Variants in CLMP observed in about 807,000 individuals in gnomAD.
The protein encoded by CLMP is CXADR like cell adhesion molecule, also known as CXADR-like membrane protein.
Under a neutral mutation model 45.2 loss-of-function variants are expected in CLMP, and 27 were observed. The ratio of observed to expected loss-of-function variants is 0.60; its 90% CI spans 0.44 to 0.82. CLMP has a LOEUF of 0.82. Among genes scored for constraint, CLMP ranks in the 40% least tolerant of loss-of-function variants. The pLI, the probability that CLMP is intolerant of heterozygous loss-of-function variation, is 0.00. For synonymous variants in CLMP, 167 were observed against 171.4 expected, an observed-to-expected ratio of 0.97 and a Z score of 0.20; for missense variants, 403 against 448.4, an observed-to-expected ratio of 0.90 and a Z score of 0.91.
rs551179787 is a variant in CLMP at position 123,118,689 on chromosome 11, C to T, written c.29-20737G>A. 9.9e-5 allele frequency among the ~76,000 whole-genome samples: 15 copies of T among 152,188 alleles called. No homozygotes were observed. In the South Asian group the frequency reaches 2.9e-3, roughly 30 times the overall value. On this transcript the variant is annotated intron_variant, in intron 1 of 6. Coordinates refer to ENST00000448775, the MANE Select transcript of CLMP (RefSeq NM_024769.5). ...TGGCATTGCAATTTGGCTCCGACAC[C>T]CAGTTTATATCCCAGCAGAAAATGT... is the stretch of plus-strand genomic sequence containing the variant.
chr11:123,074,807 G>C lies in CLMP; in HGVS notation c.716C>G (p.Thr239Arg). The C allele has an allele frequency of 6.2e-7, 1 of 1,614,128 alleles. No homozygotes were observed. The highest frequency in any genetic ancestry group is 8.5e-7 in the Non-Finnish European group (1 of 1,180,002). The change falls in exon 6 of 7, where the codon ACA becomes AGA. Residue 239 changes from threonine (T) to arginine (R), a missense_variant. By Grantham distance (71) the Thr-to-Arg change is moderately conservative. Coordinates refer to ENST00000448775, the MANE Select transcript of CLMP (RefSeq NM_024769.5). The part of the protein sequence containing the change: ...QSIGMVAGAV[T>R]GIVAGALLIF... ...CAGCAGGGCTCCAGCCACTATGCCT[G>C]TCACTGCTCCTGCAACCATGCCGAT...
At chr11:123,105,794 G>C (rs1860536392) in intron 1 of CLMP, among the ~76,000 whole-genome samples, 1 of 150,384 alleles carries the variant, frequency 6.6e-6, no homozygotes, top group African/African-American at 2.4e-5. Flanking sequence ...TGGGCAGGAG[G>C]AACTGTGGTT....
chr11:123,127,468 T>C (rs1018945304), intron 1 of CLMP, among the ~76,000 whole-genome samples: 1 of 152,168 alleles, frequency 6.6e-6, no homozygotes, highest in African/African-American at 2.4e-5. Context: ...AATTAAGACT[T>C]ATTACGTGGA....
chr11:123,101,632 A>G (rs568994160), intron 1 of CLMP, among the ~76,000 whole-genome samples: 14 of 152,324 alleles, frequency 9.2e-5, no homozygotes, highest in Admixed American at 7.8e-4. Context: ...GGCAAGTGTT[A>G]TATCAGTGGG....
At chr11:123,140,368 C>T (rs553189259) in intron 1 of CLMP, among the ~76,000 whole-genome samples, 1 of 152,180 alleles carries the variant, frequency 6.6e-6, no homozygotes, top group East Asian at 1.9e-4. Flanking sequence ...GATCTTGTTT[C>T]ATGCAGGAAT....
At chr11:123,109,804 A>G (rs958360952) in intron 1 of CLMP, among the ~76,000 whole-genome samples, 1 of 152,172 alleles carries the variant, frequency 6.6e-6, no homozygotes, top group African/African-American at 2.4e-5. Context: ...ACACCGAGTA[A>G]CATCTCCATT....
chr11:123,194,475 C>T (rs7927622), intron 1 of CLMP, among the ~76,000 whole-genome samples: 78,540 of 151,604 alleles, frequency 0.52, 21,826 homozygotes, highest in Admixed American at 0.63. Flanking sequence ...TCCTCTCCAA[C>T]CCTGCCTATC....
intron 2 of CLMP, among the ~76,000 whole-genome samples, chr11:123,087,294 G>A (rs1865876439): frequency 1.3e-5 from 2 of 152,020 alleles, no homozygotes; most frequent in African/African-American, 2.4e-5. Flanking sequence ...CCAAGATCAC[G>A]GCATTGCACT....
chr11:123,169,130 C>T (rs1306379701), intron 1 of CLMP, among the ~76,000 whole-genome samples: 1 of 152,098 alleles, frequency 6.6e-6, no homozygotes, highest in African/African-American at 2.4e-5. Context: ...CTGGGCTCCC[C>T]AAAGCAGCTG....
At chr11:123,162,851 G>A (rs1861505326) in intron 1 of CLMP, among the ~76,000 whole-genome samples, 1 of 151,800 alleles carries the variant, frequency 6.6e-6, no homozygotes, top group South Asian at 2.1e-4. Context: ...CTGCCTGTGA[G>A]TCAAGACGGC....
rs900213183 is a variant in CLMP, at chr11:123,071,186, C to T, written c.*2288G>A. 3 of 152,196 alleles carry T rather than the reference C, an allele frequency of 2.0e-5. No individual in the cohort carries two copies. Among genetic ancestry groups the T allele is most frequent in the Admixed American group, 6.5e-5 (1 of 15,272 alleles). 9.4% of individuals were successfully genotyped at this position (152,196 alleles called of 1,614,324 possible). On this transcript the variant is annotated 3_prime_UTR_variant, in exon 7 of 7. Transcript: ENST00000448775. The stretch of plus-strand genomic sequence containing the variant: ...TGGTGGCTCACACCTGTAATCCTAG[C>T]ACTTTGTGGGGCCGAGGTGGGTGGA...
chr11:123,084,569 A>G lies in CLMP; in HGVS notation c.331T>C (p.Cys111Arg). The change falls in exon 3 of 7, where the codon TGT (cysteine) becomes CGT (arginine). Residue 111 changes from cysteine to arginine, a missense_variant. By Grantham distance (180) the Cys-to-Arg change is radical. Transcript: ENST00000448775. ...LKPSDEGRYT[C>R]KVKNSGRYVW... ...TAGCGCCCTGAATTCTTAACCTTAC[A>G]GGTGTACCGGCCCTCATCACTGGGC... 2.5e-6 allele frequency: 4 copies of G among 1,614,220 alleles called. No individual in the cohort carries two copies. Among genetic ancestry groups the G allele is most frequent in the Non-Finnish European group, 3.4e-6 (4 of 1,180,042 alleles).
chr11:123,135,524 G>A (rs1861060365), intron 1 of CLMP, among the ~76,000 whole-genome samples: 1 of 152,116 alleles, frequency 6.6e-6, no homozygotes, highest in South Asian at 2.1e-4. Context: ...TTGCCTGTAG[G>A]TTTGTATTTC....
chr11:123,183,634 A>AT (rs1252405972), intron 1 of CLMP, among the ~76,000 whole-genome samples: 2 of 152,162 alleles, frequency 1.3e-5, no homozygotes, highest in African/African-American at 2.4e-5. Flanking sequence ...CCTGCATTCC[A>AT]TGTCCTGAGG....
chr11:123,169,998 G>C (rs1163959531), intron 1 of CLMP, among the ~76,000 whole-genome samples: 3 of 152,118 alleles, frequency 2.0e-5, no homozygotes, highest in Admixed American at 1.3e-4. Context: ...CTCCAGGTAC[G>C]GCTTCAGAGA....
chr11:123,089,852 C>A (rs1423372940), intron 2 of CLMP, among the ~76,000 whole-genome samples: 1 of 151,162 alleles, frequency 6.6e-6, no homozygotes, highest in East Asian at 2.0e-4. Context: ...GTAATCTCAG[C>A]ATTTTGGGAG....
At chr11:123,102,493 A>T (rs1860463586) in intron 1 of CLMP, among the ~76,000 whole-genome samples, 1 of 150,864 alleles carries the variant, frequency 6.6e-6, no homozygotes, top group African/African-American at 2.4e-5. Flanking sequence ...GTTGGCCAAG[A>T]TGGTCTCAAT....
chr11:123,130,019 A>T (rs938362710), intron 1 of CLMP, among the ~76,000 whole-genome samples: 7 of 152,004 alleles, frequency 4.6e-5, no homozygotes, highest in African/African-American at 1.7e-4. Flanking sequence ...TTTAGCATTC[A>T]AAACCACTAA....
At chr11:123,088,161 C>T (rs1343466594) in intron 2 of CLMP, among the ~76,000 whole-genome samples, 6 of 152,014 alleles carry the variant, frequency 3.9e-5, no homozygotes, top group Admixed American at 6.6e-5. Context: ...CTGCCCGCCT[C>T]GGCCTCCCAA....
Sources: allele counts gnomAD v4.1 joint callset (sites outside exome capture counted in the v4.1 genomes callset), GRCh38; gene constraint gnomAD v4.1.1; transcripts MANE v1.5; gene names NCBI Gene and HGNC (gene_info 2026-07-23, HGNC 2026-07-21).